Variants in CACNA1C observed in about 807,000 individuals in gnomAD.
CACNA1C encodes calcium voltage-gated channel subunit alpha1 C, also known as voltage-dependent L-type calcium channel subunit alpha-1C.
A neutral mutation model predicts 229.0 loss-of-function variants in CACNA1C; 30 were observed. The ratio of observed to expected loss-of-function variants is 0.13; its 90% CI spans 0.10 to 0.18. The LOEUF (loss-of-function observed/expected upper bound fraction) is 0.18. Ranked by LOEUF, CACNA1C falls within the 10% of genes least tolerant of loss-of-function variation. CACNA1C has a pLI of 1.00. For synonymous variants in CACNA1C, 1,114 were observed against 1,132.5 expected, an observed-to-expected ratio of 0.98 and a Z score of 0.33; for missense variants, 1,658 against 2,845.0, an observed-to-expected ratio of 0.58 and a Z score of 9.49.
At position 2,651,897 on chromosome 12, in the gene CACNA1C, C is replaced by A; in HGVS notation, c.4074+129C>A. Reference sequence around the variant, plus strand: ...CTTCCTCTGTGTGGCAGAACTCGGCCGCTCTGCCTGGCTCCCTGTTTCCGC... The same window carrying A: ...CTTCCTCTGTGTGGCAGAACTCGGCAGCTCTGCCTGGCTCCCTGTTTCCGC... On this transcript the variant is annotated intron_variant, in intron 32 of 46. Transcript: ENST00000399655. This position sits in a 1 kb window ranked among gnomAD's most constrained non-coding sequence, Gnocchi z 5.4. 1.4e-6 allele frequency: 1 copy of A among 727,710 alleles called. No individual in the cohort carries two copies. Among genetic ancestry groups the A allele is most frequent in the Non-Finnish European group, 2.2e-6 (1 of 459,886 alleles). 45.1% of individuals were successfully genotyped at this position (727,710 alleles called of 1,614,324 possible).
rs2097852102 is a variant in CACNA1C at position 2,697,695 on chromosome 12, A to G, written c.*6496A>G. On this transcript the variant is annotated 3_prime_UTR_variant, in exon 47 of 47. Coordinates refer to ENST00000399655, the MANE Select transcript of CACNA1C (RefSeq NM_000719.7). ...CGACTTCACAGTCTTACTGTTGTAA[A>G]TATCATTGTACAGTTTGTAATCCTC... 1 of 152,168 alleles carries G rather than the reference A, an allele frequency of 6.6e-6. No homozygotes were observed. The highest frequency in any genetic ancestry group is 1.5e-5 in the Non-Finnish European group (1 of 68,036). The allele number at this position is 152,168 out of a possible 1,614,324, so 9.4% of individuals were successfully genotyped here. A position where few individuals can be genotyped will look rare whatever the true frequency, so the allele number is the denominator to read the frequency against.
chr12:2,138,322 T>C (rs1231578466), intron 3 of CACNA1C, among the ~76,000 whole-genome samples: 2 of 151,194 alleles, frequency 1.3e-5, no homozygotes, highest in African/African-American at 4.8e-5. Context: ...TTCACAGGGC[T>C]GGGGAGCACA....
rs888038354 is a variant in CACNA1C at position 2,582,221 on chromosome 12, G to C, written c.2103+424G>C. Among the ~76,000 whole-genome samples, 7 of 151,876 alleles carry C rather than the reference G, an allele frequency of 4.6e-5. No homozygotes were observed. In the East Asian group the frequency reaches 1.2e-3, roughly 25 times the overall value. On this transcript the variant is annotated intron_variant, in intron 14 of 46. Transcript: ENST00000399655. ...AAAGCCCAAAACATAAAGAAAAGCA[G>C]ACTGCTCTTACTGGGGGAGGGGAGG...
intron 3 of CACNA1C, among the ~76,000 whole-genome samples, chr12:2,349,230 C>A (rs140494886): frequency 6.6e-6 from 1 of 152,112 alleles, no homozygotes; most frequent in Non-Finnish European, 1.5e-5. Context: ...ATACAAACAC[C>A]GTTAGGACTG....
rs116280151 is a variant in CACNA1C at position 2,401,447 on chromosome 12, A to G, written c.478-47529A>G. 9.3e-3 allele frequency among the ~76,000 whole-genome samples: 1,416 copies of G among 152,268 alleles called. 24 individuals are homozygous for G. The highest frequency in any genetic ancestry group is 0.032 in the African/African-American group (1,318 of 41,554). ...GACCTCATCTGATCATCATCAACCA[A>G]CCTATGAGGTCAGCAGGTAGGACAG... On this transcript the variant is annotated intron_variant, in intron 3 of 46. Coordinates refer to ENST00000399655, the MANE Select transcript of CACNA1C (RefSeq NM_000719.7).
intron 7 of CACNA1C, among the ~76,000 whole-genome samples, chr12:2,495,921 T>C (rs902391150): frequency 1.3e-5 from 2 of 152,234 alleles, no homozygotes; most frequent in Non-Finnish European, 2.9e-5. Flanking sequence ...TCAATTTCTC[T>C]AATTGCTTTG....
intron 1 of CACNA1C, among the ~76,000 whole-genome samples, chr12:2,066,137 A>G (rs2238014): frequency 0.078 from 11,921 of 151,938 alleles, 787 homozygotes; most frequent in African/African-American, 0.17. Flanking sequence ...AAGAGAGGGA[A>G]GGAGTGATTT....
chr12:2,049,421 A>C (rs2051701631), upstream of CACNA1C: 1 of 152,226 alleles, frequency 6.6e-6, no homozygotes. Context: ...TATTTAGTTC[A>C]TTTCCAGGTT....
chr12:2,091,639 T>G (rs1425998116), intron 1 of CACNA1C, among the ~76,000 whole-genome samples: 5 of 152,200 alleles, frequency 3.3e-5, no homozygotes, highest in African/African-American at 9.6e-5. Flanking sequence ...ATCCTTAACT[T>G]AATCACATTG....
intron 5 of CACNA1C, 104 bp from the exon 6 acceptor site, chr12:2,486,000 G>A: frequency 1.1e-6 from 1 of 889,404 alleles, no homozygotes; most frequent in Non-Finnish European, 1.7e-6. Context: ...TAAACAACAG[G>A]GCTGGCAGTT....
intron 3 of CACNA1C, among the ~76,000 whole-genome samples, chr12:2,317,204 G>A (rs911271613): frequency 3.9e-5 from 6 of 152,094 alleles, no homozygotes; most frequent in African/African-American, 1.4e-4. Context: ...AGAGATATTC[G>A]CACACCCATG....
intron 3 of CACNA1C, among the ~76,000 whole-genome samples, chr12:2,185,287 G>GAGC (rs2096962934): frequency 6.6e-6 from 1 of 152,244 alleles, no homozygotes; most frequent in African/African-American, 2.4e-5. Flanking sequence ...CTCCAGCCTG[G>GAGC]AGCACTTCCT....
intron 3 of CACNA1C, among the ~76,000 whole-genome samples, chr12:2,293,123 G>C (rs1017899672): frequency 2.6e-5 from 4 of 152,148 alleles, no homozygotes; most frequent in South Asian, 2.1e-4. Context: ...CTTCAGGCTT[G>C]AGGGCAGGAG....
intron 18 of CACNA1C, among the ~76,000 whole-genome samples, chr12:2,592,230 G>A (rs574962177): frequency 2.0e-5 from 3 of 152,306 alleles, no homozygotes; most frequent in Admixed American, 1.3e-4. Context: ...TACAGGCTTC[G>A]AGTCTGTCCC....
chr12:2,656,736 T>G (rs1270809499), intron 34 of CACNA1C, among the ~76,000 whole-genome samples: 2 of 152,128 alleles, frequency 1.3e-5, no homozygotes, highest in African/African-American at 2.4e-5. Context: ...AACGGACACA[T>G]AGAGCAATGG....
At chr12:2,371,544 C>A (rs1307531742) in intron 3 of CACNA1C, among the ~76,000 whole-genome samples, 2 of 152,102 alleles carry the variant, frequency 1.3e-5, no homozygotes, top group Non-Finnish European at 2.9e-5. Context: ...ATTTGCATTT[C>A]TGACAAGCTC....
intron 13 of CACNA1C, among the ~76,000 whole-genome samples, chr12:2,572,852 TTCCTCCTCCTCC>T (rs1400336698): frequency 1.0e-5 from 1 of 96,432 alleles, no homozygotes; most frequent in Admixed American, 1.0e-4. Flanking sequence ...CCTCCTCCTC[TTCCTCCTCCTCC>T]TCCTTCTCTT....
intron 3 of CACNA1C, among the ~76,000 whole-genome samples, chr12:2,298,130 C>A (rs1330675408): frequency 6.6e-6 from 1 of 152,212 alleles, no homozygotes. Context: ...AACTCAACTT[C>A]TCAAAGCCTC....
intron 1 of CACNA1C, among the ~76,000 whole-genome samples, chr12:2,019,585 G>GAA (rs1565942071): frequency 2.5e-4 from 37 of 150,130 alleles, no homozygotes; most frequent in South Asian, 6.3e-4. Context: ...GAAAGAGAGA[G>GAA]AGAAAGAAAG....
Sources: gnomAD v4.1 joint callset for allele counts (sites outside exome capture counted in the v4.1 genomes callset) on GRCh38, gnomAD v4.1.1 for gene constraint, Gnocchi (gnomAD v3.1) non-coding constraint, MANE v1.5 for transcripts, NCBI Gene and HGNC (gene_info 2026-07-23, HGNC 2026-07-21) for gene names.